GRID1: variants seen among roughly 807,000 people sequenced by gnomAD.
GRID1 encodes glutamate receptor ionotropic, delta-1.
In GRID1, 28 loss-of-function variants were observed where a neutral mutation model predicts 98.0. The observed-to-expected ratio is 0.29, with a 90% CI of 0.21 to 0.39. GRID1 has a LOEUF of 0.39. Among genes scored for constraint, GRID1 ranks in the 10% least tolerant of loss-of-function variants. The pLI is 1.00. For missense variants in GRID1, 1,111 were observed against 1,340.5 expected, an observed-to-expected ratio of 0.83 and a Z score of 2.67; for synonymous variants, 553 against 538.5, an observed-to-expected ratio of 1.03 and a Z score of -0.37.
chr10:85,719,339 A>G (rs1465203949), intron 12 of GRID1, among the ~76,000 whole-genome samples: 1 of 152,196 alleles, frequency 6.6e-6, no homozygotes, highest in African/African-American at 2.4e-5. Context: ...ATTTTTGGGT[A>G]TCTTTTCAGC....
At chr10:85,946,542 T>A (rs1331266257) in intron 4 of GRID1, among the ~76,000 whole-genome samples, 1 of 152,166 alleles carries the variant, frequency 6.6e-6, no homozygotes, top group Non-Finnish European at 1.5e-5. Flanking sequence ...TTCGGGAAAA[T>A]ACTTTTGATG....
At chr10:85,976,997 C>A (rs1420448007) in intron 4 of GRID1, among the ~76,000 whole-genome samples, 1 of 152,170 alleles carries the variant, frequency 6.6e-6, no homozygotes, top group Non-Finnish European at 1.5e-5. Context: ...CCTGTGGGTT[C>A]CAGCACAGTC....
In GRID1 at chr10:85,697,313, T is replaced by C. The variant is rs1389003974; in HGVS notation, c.1997+25690A>G. On this transcript the variant is annotated intron_variant, in intron 12 of 15. Coordinates refer to ENST00000327946, the MANE Select transcript of GRID1 (RefSeq NM_017551.3). The stretch of plus-strand genomic sequence containing the variant: ...TTTGTTGCTCCATTTTGTGCATAAA[T>C]ATTTAGACATGTTTTCTCTCTGGTG... 4.0e-5 allele frequency among the ~76,000 whole-genome samples: 6 copies of C among 151,144 alleles called. No individual in the cohort carries two copies. The South Asian group carries it at 6.3e-4, about 16-fold the overall frequency.
chr10:85,697,880 G>A (rs1402686432), intron 12 of GRID1, among the ~76,000 whole-genome samples: 1 of 152,036 alleles, frequency 6.6e-6, no homozygotes, highest in Non-Finnish European at 1.5e-5. Context: ...GGATATCTGA[G>A]GTGAGGTCTG....
intron 14 of GRID1, among the ~76,000 whole-genome samples, chr10:85,614,666 T>A (rs1389688517): frequency 2.0e-5 from 3 of 151,970 alleles, no homozygotes; most frequent in African/African-American, 7.3e-5. Context: ...AAATGGCCAG[T>A]GAGACTATTG....
chr10:85,622,586 C>A (rs1441024921), intron 13 of GRID1, among the ~76,000 whole-genome samples: 1 of 152,028 alleles, frequency 6.6e-6, no homozygotes, highest in African/African-American at 2.4e-5. Flanking sequence ...GTGGCTGGAT[C>A]CTGAATCTGT....
chr10:85,718,098 C>T (rs917311221), intron 12 of GRID1, among the ~76,000 whole-genome samples: 10 of 152,166 alleles, frequency 6.6e-5, no homozygotes, highest in African/African-American at 2.2e-4. Flanking sequence ...TCCAGGCACA[C>T]GGTGCAAGCT....
chr10:86,142,472 C>G (rs1845024100), intron 3 of GRID1, among the ~76,000 whole-genome samples: 1 of 152,248 alleles, frequency 6.6e-6, no homozygotes, highest in African/African-American at 2.4e-5. Context: ...GCACAGGTGG[C>G]TTCTGCAGCC....
intron 3 of GRID1, among the ~76,000 whole-genome samples, chr10:86,160,534 GA>G (rs1845305961): frequency 6.6e-6 from 1 of 152,230 alleles, no homozygotes; most frequent in Non-Finnish European, 1.5e-5. Flanking sequence ...AAAGGGTCAG[GA>G]GGCTGAATGG....
intron 4 of GRID1, among the ~76,000 whole-genome samples, chr10:86,095,305 C>T (rs974821146): frequency 3.3e-5 from 5 of 152,066 alleles, no homozygotes; most frequent in African/African-American, 1.2e-4. Flanking sequence ...GCAAGGATTT[C>T]GTGACCAAGA....
chr10:86,075,721 A>G (rs1315960008), intron 4 of GRID1, among the ~76,000 whole-genome samples: 1 of 152,236 alleles, frequency 6.6e-6, no homozygotes, highest in Non-Finnish European at 1.5e-5. Context: ...AGGGGAGGCA[A>G]GCATGAGGCA....
chr10:85,714,138 G>A (rs1401088892), intron 12 of GRID1, among the ~76,000 whole-genome samples: 1 of 151,934 alleles, frequency 6.6e-6, no homozygotes, highest in African/African-American at 2.4e-5. Context: ...ATTATTCGAA[G>A]CAAACTAACA....
At chr10:86,010,825 A>AC (rs1842915860) in intron 4 of GRID1, among the ~76,000 whole-genome samples, 1 of 151,886 alleles carries the variant, frequency 6.6e-6, no homozygotes, top group South Asian at 2.1e-4. Flanking sequence ...AAAAAAAAAA[A>AC]AAAAAGTAAT....
intron 12 of GRID1, chr10:85,647,661 G>A (rs1843213323): frequency 2.4e-6 from 1 of 418,448 alleles, no homozygotes; most frequent in South Asian, 3.7e-5. Context: ...TACTGAACTG[G>A]AGGGATAAAA....
intron 2 of GRID1, among the ~76,000 whole-genome samples, chr10:86,358,966 G>A (rs933896978): frequency 4.6e-5 from 7 of 152,056 alleles, no homozygotes; most frequent in African/African-American, 1.7e-4. Flanking sequence ...AGGGGCTGAG[G>A]AATCCAGCAG....
intron 4 of GRID1, among the ~76,000 whole-genome samples, chr10:86,129,056 T>C (rs1844797317): frequency 6.6e-6 from 1 of 152,156 alleles, no homozygotes; most frequent in Non-Finnish European, 1.5e-5. Flanking sequence ...CCCTGCCCTG[T>C]AGACAGAAAG....
intron 8 of GRID1, among the ~76,000 whole-genome samples, chr10:85,743,112 C>CCG (rs1554828632): frequency 3.8e-5 from 5 of 131,940 alleles, no homozygotes; most frequent in Admixed American, 7.7e-5. Flanking sequence ...GCAGCCCCCC[C>CCG]CCCCACCACC....
chr10:85,927,033 C>G (rs1444740916), intron 4 of GRID1, among the ~76,000 whole-genome samples: 1 of 152,166 alleles, frequency 6.6e-6, no homozygotes, highest in East Asian at 1.9e-4. Flanking sequence ...AAATCATCAC[C>G]CACTTACCTA....
At chr10:85,701,261 G>T (rs985977813) in intron 12 of GRID1, among the ~76,000 whole-genome samples, 1 of 152,046 alleles carries the variant, frequency 6.6e-6, no homozygotes, top group Admixed American at 6.6e-5. Flanking sequence ...CAGTAACAAC[G>T]GAAAATGCCT....
Sources: gnomAD v4.1 joint callset for allele counts (sites outside exome capture counted in the v4.1 genomes callset) on GRCh38, gnomAD v4.1.1 for gene constraint, MANE v1.5 for transcripts, NCBI Gene and HGNC (gene_info 2026-07-23, HGNC 2026-07-21) for gene names.